The following VAPA variants were observed in gnomAD, a reference collection of about 807,000 sequenced individuals.
VAPA encodes the protein VAMP associated protein A.
VAPA carries 6 observed loss-of-function variants against 25.6 expected under a neutral mutation model. That is an observed-to-expected ratio of 0.23 (90% confidence interval 0.13 to 0.46). VAPA has a LOEUF of 0.46. VAPA is among the 20% of genes least tolerant of loss of function. VAPA has a pLI of 0.99. For synonymous variants in VAPA, 112 were observed against 106.2 expected, an observed-to-expected ratio of 1.05 and a Z score of -0.34; for missense variants, 244 against 302.1, an observed-to-expected ratio of 0.81 and a Z score of 1.43.
At chr18:9,915,549 C>T (rs1477139954) in intron 1 of VAPA, among the ~76,000 whole-genome samples, 1 of 151,998 alleles carries the variant, frequency 6.6e-6, no homozygotes, top group Admixed American at 6.5e-5. Flanking sequence ...TTTTGGAAGT[C>T]TATGTCTTGT....
chr18:9,936,693 G>C (rs1276305381), intron 3 of VAPA: 2 of 292,310 alleles, frequency 6.8e-6, no homozygotes, highest in Non-Finnish European at 1.3e-5. Context: ...CTGCACTCCA[G>C]CCTGGGAAAC....
At chr18:9,949,287 G>C (rs2069461604) in intron 4 of VAPA, 1 of 152,168 alleles carries the variant, frequency 6.6e-6, no homozygotes, top group South Asian at 2.1e-4. Context: ...GAATGGAAGA[G>C]TCTGCCGACA....
chr18:9,950,861 C>CTG (rs1168292911), intron 5 of VAPA: 1 of 353,186 alleles, frequency 2.8e-6, no homozygotes, highest in African/African-American at 2.1e-5. Context: ...CCTAGTCATA[C>CTG]TGAACTGCCT....
chr18:9,926,756 A>G (rs984200179), intron 1 of VAPA, among the ~76,000 whole-genome samples: 2 of 152,050 alleles, frequency 1.3e-5, no homozygotes, highest in Non-Finnish European at 2.9e-5. Context: ...TCTTGATTAT[A>G]TTGGTCAGTG....
In VAPA at chr18:9,954,318, T is replaced by G; in HGVS notation, c.*107T>G. The G allele has an allele frequency of 1.0e-6, 1 of 976,342 alleles. No individual in the cohort carries two copies. Among genetic ancestry groups the G allele is most frequent in the Non-Finnish European group, 1.5e-6 (1 of 651,856 alleles). The allele number at this position is 976,342 out of a possible 1,614,324, so 60.5% of individuals were successfully genotyped here. On this transcript the variant is annotated 3_prime_UTR_variant, in exon 6 of 6. Coordinates refer to ENST00000400000, the MANE Select transcript of VAPA (RefSeq NM_194434.3). Reference sequence around the variant, plus strand: ...AGTATGGCCCACGGTGACCATTTTTTTGTGTGTACAGCGTCATATAGGCTT... The same window carrying G: ...AGTATGGCCCACGGTGACCATTTTTGTGTGTGTACAGCGTCATATAGGCTT...
intron 3 of VAPA, 103 bp from the exon 4 acceptor site, chr18:9,936,883 C>T (rs1277811423): frequency 1.1e-6 from 1 of 930,750 alleles, no homozygotes; most frequent in African/African-American, 1.7e-5. Context: ...GTGTTTCAGC[C>T]AAGCCAGGCA....
chr18:9,950,193 T>C, intron 4 of VAPA: 1 of 533,506 alleles, frequency 1.9e-6, no homozygotes, highest in South Asian at 2.3e-5. Context: ...AATAAAGTGC[T>C]ATGGTAGAGG....
rs1341383898 is a variant in VAPA at position 9,959,042 on chromosome 18, T to C, written c.*4831T>C. The C allele has an allele frequency of 6.6e-6, 1 of 151,758 alleles. No individual in the cohort carries two copies. Among genetic ancestry groups the C allele is most frequent in the Non-Finnish European group, 1.5e-5 (1 of 67,856 alleles). 9.4% of individuals were successfully genotyped at this position (151,758 alleles called of 1,614,324 possible). A position where few individuals can be genotyped will look rare whatever the true frequency, so the allele number is the denominator to read the frequency against. ...TTTACGTCAGCTCATTTCATCATCA[T>C]TGATAACTTGTGAAATACTTATCTC... On this transcript the variant is annotated 3_prime_UTR_variant, in exon 6 of 6. Transcript: ENST00000400000.
intron 5 of VAPA, 81 bp from the exon 6 acceptor site, chr18:9,953,972 G>C: frequency 6.5e-7 from 1 of 1,549,858 alleles, no homozygotes; most frequent in Non-Finnish European, 8.8e-7. Context: ...TCTACTTTCC[G>C]TCCCTATAGA....
intron 1 of VAPA, among the ~76,000 whole-genome samples, chr18:9,922,031 G>T (rs2069160875): frequency 6.6e-6 from 1 of 152,154 alleles, no homozygotes; most frequent in Admixed American, 6.5e-5. Context: ...AGACTGAAGT[G>T]CAGTGGTGCT....
chr18:9,959,620 A>G lies in VAPA; in HGVS notation c.*5409A>G, dbSNP rs1439496817. ...TTCTTGATACTGTTTATAATTCTAC[A>G]AAGAACAAAAATTGTTATGTACTAT... On this transcript the variant is annotated 3_prime_UTR_variant, in exon 6 of 6. Coordinates refer to ENST00000400000, the MANE Select transcript of VAPA (RefSeq NM_194434.3). 4 of 151,948 alleles carry G rather than the reference A, an allele frequency of 2.6e-5. No individual in the cohort carries two copies. Among genetic ancestry groups the G allele is most frequent in the Non-Finnish European group, 4.4e-5 (3 of 67,956 alleles). 9.4% of individuals were successfully genotyped at this position (151,948 alleles called of 1,614,324 possible). A position where few individuals can be genotyped will look rare whatever the true frequency, so the allele number is the denominator to read the frequency against.
intron 4 of VAPA, chr18:9,948,031 T>A (rs1247108288): frequency 6.6e-6 from 1 of 152,224 alleles, no homozygotes; most frequent in Non-Finnish European, 1.5e-5. Context: ...GGGCACACTT[T>A]TGAAATGTGT....
chr18:9,946,753 A>C (rs2069428373), intron 4 of VAPA, among the ~76,000 whole-genome samples: 1 of 152,136 alleles, frequency 6.6e-6, no homozygotes, highest in Non-Finnish European at 1.5e-5. Flanking sequence ...ATTACTGTAC[A>C]CTGTAGACTT....
intron 3 of VAPA, 41 bp from the exon 4 acceptor site, chr18:9,936,945 C>A: frequency 6.4e-7 from 1 of 1,567,898 alleles, no homozygotes; most frequent in Non-Finnish European, 8.8e-7. Context: ...TTACCATGAT[C>A]ATACCTCCTA....
chr18:9,955,262 G>T lies in VAPA; in HGVS notation c.*1051G>T, dbSNP rs570002247. The T allele has an allele frequency of 6.6e-6, 1 of 151,714 alleles. No homozygotes were observed. Among genetic ancestry groups the T allele is most frequent in the Non-Finnish European group, 1.5e-5 (1 of 67,898 alleles). The allele number at this position is 151,714 out of a possible 1,614,324, so 9.4% of individuals were successfully genotyped here. A position where few individuals can be genotyped will look rare whatever the true frequency, so the allele number is the denominator to read the frequency against. ...ATAGTTAAAAGTAGGTGTTTTTTTC[G>T]TGCTCAATTTGGCACTCAAAATAAT... On this transcript the variant is annotated 3_prime_UTR_variant, in exon 6 of 6. Coordinates refer to ENST00000400000, the MANE Select transcript of VAPA (RefSeq NM_194434.3).
intron 4 of VAPA, among the ~76,000 whole-genome samples, chr18:9,943,744 A>AC (rs1258515182): frequency 6.6e-6 from 1 of 151,504 alleles, no homozygotes; most frequent in African/African-American, 2.4e-5. Flanking sequence ...ACTTCTAAAA[A>AC]ATTTTTGAGG....
intron 4 of VAPA, among the ~76,000 whole-genome samples, chr18:9,945,962 A>G (rs752622393): frequency 6.6e-6 from 1 of 152,030 alleles, no homozygotes; most frequent in East Asian, 1.9e-4. Flanking sequence ...AACTCCCTTT[A>G]TGTGCGTTTT....
intron 4 of VAPA, among the ~76,000 whole-genome samples, chr18:9,944,489 C>CT (rs2069400903): frequency 6.6e-6 from 1 of 152,008 alleles, no homozygotes; most frequent in Non-Finnish European, 1.5e-5. Context: ...GGGGGATAGG[C>CT]TTTAAGTACA....
At chr18:9,948,488 T>C (rs890747987) in intron 4 of VAPA, 8 of 152,216 alleles carry the variant, frequency 5.3e-5, no homozygotes, top group Non-Finnish European at 8.8e-5. Flanking sequence ...TTTTATGCAA[T>C]GTAAAGAATT....
Sources: allele counts gnomAD v4.1 joint callset (sites outside exome capture counted in the v4.1 genomes callset), GRCh38; gene constraint gnomAD v4.1.1; transcripts MANE v1.5; gene names NCBI Gene and HGNC (gene_info 2026-07-23, HGNC 2026-07-21).